Variants in SPHKAP observed in about 807,000 individuals in gnomAD.
SPHKAP encodes the protein A-kinase anchor protein SPHKAP.
In SPHKAP, 67 loss-of-function variants were observed where a neutral mutation model predicts 137.5. The ratio of observed to expected loss-of-function variants is 0.49; its 90% CI spans 0.40 to 0.60. The LOEUF (loss-of-function observed/expected upper bound fraction) is 0.60. Ranked by LOEUF, SPHKAP falls within the 20% of genes least tolerant of loss-of-function variation. The pLI is 0.00. For missense variants in SPHKAP, 2,097 were observed against 2,069.3 expected, an observed-to-expected ratio of 1.01 and a Z score of -0.26; for synonymous variants, 813 against 785.3, an observed-to-expected ratio of 1.04 and a Z score of -0.59.
Position 228,016,465 on chromosome 2 carries a change from T to G in SPHKAP, c.4389A>C (p.Lys1463Asn), listed in dbSNP as rs1694595358. ...LEEAEGHSNDKNIPDVVRGGD... is the reference protein window; with the variant it reads ...LEEAEGHSNDNNIPDVVRGGD... ...CACCTCTCACCACATCTGGGATGTT[T>G]TTGTCATTCGAATGCCCTTCTGCTT... The change falls in exon 7 of 12, where the codon AAA becomes AAC. Residue 1463 changes from lysine to asparagine, a missense_variant. Physicochemically the swap from Lys to Asn is moderately conservative, Grantham distance 94. Coordinates refer to ENST00000392056, the MANE Select transcript of SPHKAP (RefSeq NM_001142644.2). 8.1e-6 allele frequency: 13 copies of G among 1,612,448 alleles called. No individual in the cohort carries two copies. The highest frequency in any genetic ancestry group is 1.0e-5 in the Non-Finnish European group (12 of 1,179,464).
intron 3 of SPHKAP, among the ~76,000 whole-genome samples, chr2:228,061,333 G>A (rs147048582): frequency 0.053 from 7,971 of 151,756 alleles, 236 homozygotes; most frequent in South Asian, 0.084. Flanking sequence ...GCGTGATCTC[G>A]GCTCACTGCA....
chr2:228,120,789 C>T (rs4500930), intron 2 of SPHKAP, among the ~76,000 whole-genome samples: 51,777 of 151,750 alleles, frequency 0.34, 9,057 homozygotes, highest in East Asian at 0.5. Flanking sequence ...TTTATCCATA[C>T]GAATGCAGTA....
intron 1 of SPHKAP, among the ~76,000 whole-genome samples, chr2:228,167,318 G>T (rs1700449426): frequency 6.6e-6 from 1 of 152,046 alleles, no homozygotes; most frequent in South Asian, 2.1e-4. Flanking sequence ...CGTTTGCAAA[G>T]ACAGAAATAC....
intron 7 of SPHKAP, among the ~76,000 whole-genome samples, chr2:228,000,505 C>T (rs1693814999): frequency 6.6e-6 from 1 of 151,984 alleles, no homozygotes; most frequent in South Asian, 2.1e-4. Flanking sequence ...GTAGTCCCAG[C>T]TACTCGGGAG....
At chr2:228,092,249 A>ATGTGCGTGTATACGTGCACACACACGTG (rs1697784343) in intron 3 of SPHKAP, among the ~76,000 whole-genome samples, 1 of 145,138 alleles carries the variant, frequency 6.9e-6, no homozygotes, top group Non-Finnish European at 1.5e-5. Flanking sequence ...ACACACGTGT[A>ATGTGCGTGTATACGTGCACACACACGTG]TATGTGTGTA....
At chr2:228,078,520 C>T (rs146833537) in intron 3 of SPHKAP, among the ~76,000 whole-genome samples, 1 of 151,742 alleles carries the variant, frequency 6.6e-6, no homozygotes, top group African/African-American at 2.4e-5. Flanking sequence ...AGTGGTGTGA[C>T]TGTATCTCAA....
intron 3 of SPHKAP, among the ~76,000 whole-genome samples, chr2:228,054,681 C>A (rs1696375898): frequency 6.6e-6 from 1 of 151,954 alleles, no homozygotes; most frequent in South Asian, 2.1e-4. Flanking sequence ...TGGAAAAGGT[C>A]CCAGGTGACT....
intron 1 of SPHKAP, among the ~76,000 whole-genome samples, chr2:228,145,541 A>G (rs1285644894): frequency 6.6e-6 from 1 of 152,198 alleles, no homozygotes; most frequent in Non-Finnish European, 1.5e-5. Flanking sequence ...TTAGGATTCA[A>G]TGAATGGCTC....
At chr2:228,030,042 A>G (rs540063255) in intron 3 of SPHKAP, among the ~76,000 whole-genome samples, 29 of 152,248 alleles carry the variant, frequency 1.9e-4, no homozygotes, top group African/African-American at 7.0e-4. Context: ...ATGAAACTCT[A>G]CCTACACCTG....
rs1694639235 is a variant in SPHKAP, at chr2:228,017,242, T to G, written c.3612A>C (p.Arg1204Ser). 1.2e-6 allele frequency: 2 copies of G among 1,614,038 alleles called. No homozygotes were observed. Among genetic ancestry groups the G allele is most frequent in the East Asian group, 4.5e-5 (2 of 44,866 alleles). The change falls in exon 7 of 12, where the codon AGA becomes AGC. Residue 1204 changes from arginine to serine, a missense_variant. Arg to Ser is a moderately radical substitution (Grantham distance 110). Transcript: ENST00000392056. ...TGGAGGAGGCACTTTCTCTGCTGTC[T>G]CTTTCGATGTCCCTCAGCATGTACC... is the stretch of plus-strand genomic sequence containing the variant. ...FYRYMLRDIE[R>S]DSRESASSRR... is the part of the protein sequence containing the mutation.
intron 2 of SPHKAP, among the ~76,000 whole-genome samples, chr2:228,127,864 T>A (rs1010217044): frequency 6.6e-6 from 1 of 152,196 alleles, no homozygotes; most frequent in African/African-American, 2.4e-5. Flanking sequence ...ATATAAAAGT[T>A]ATGTCTATAT....
At chr2:228,092,112 C>CATATATGTATATATGTGT (rs1559168563) in intron 3 of SPHKAP, among the ~76,000 whole-genome samples, 2 of 138,424 alleles carry the variant, frequency 1.4e-5, no homozygotes, top group African/African-American at 5.4e-5. Flanking sequence ...TATATATACA[C>CATATATGTATATATGTGT]ATATATACAT....
chr2:228,076,889 C>T (rs1559160481), intron 3 of SPHKAP, among the ~76,000 whole-genome samples: 1 of 152,130 alleles, frequency 6.6e-6, no homozygotes, highest in East Asian at 1.9e-4. Context: ...ATGCAGCAGT[C>T]CCTCCTATCA....
At chr2:228,134,049 A>T (rs1175430096) in intron 1 of SPHKAP, among the ~76,000 whole-genome samples, 1 of 151,234 alleles carries the variant, frequency 6.6e-6, no homozygotes, top group African/African-American at 2.4e-5. Flanking sequence ...AGGAAGGAAG[A>T]GAGGAAGGAA....
chr2:228,067,221 A>T (rs73096663), intron 3 of SPHKAP, among the ~76,000 whole-genome samples: 2,697 of 152,336 alleles, frequency 0.018, 82 homozygotes, highest in African/African-American at 0.061. Flanking sequence ...CTGTCTGAAC[A>T]CTGCAGAAGT....
intron 1 of SPHKAP, among the ~76,000 whole-genome samples, chr2:228,147,811 G>T (rs945295916): frequency 1.3e-5 from 2 of 152,172 alleles, no homozygotes; most frequent in African/African-American, 2.4e-5. Flanking sequence ...AATCCCCACA[G>T]CATCACAGTA....
intron 3 of SPHKAP, among the ~76,000 whole-genome samples, chr2:228,102,309 C>T (rs1165468412): frequency 6.6e-6 from 1 of 151,760 alleles, no homozygotes; most frequent in African/African-American, 2.4e-5. Context: ...TACTGAAGTA[C>T]AGACATTTTA....
At chr2:228,154,508 C>CTATATATATATATATATA (rs1331355468) in intron 1 of SPHKAP, among the ~76,000 whole-genome samples, 11 of 34,574 alleles carry the variant, frequency 3.2e-4, no homozygotes, top group African/African-American at 5.2e-4. Flanking sequence ...CTCTCTCTCT[C>CTATATATATATATATATA]TCTCTATATA....
At chr2:228,116,429 A>C (rs766219615) in intron 2 of SPHKAP, among the ~76,000 whole-genome samples, 2 of 152,146 alleles carry the variant, frequency 1.3e-5, no homozygotes, top group Non-Finnish European at 2.9e-5. Flanking sequence ...TGGTATTTCT[A>C]CTCACAGTGA....
Sources: gnomAD v4.1 joint callset for allele counts (sites outside exome capture counted in the v4.1 genomes callset) on GRCh38, gnomAD v4.1.1 for gene constraint, MANE v1.5 for transcripts, NCBI Gene and HGNC (gene_info 2026-07-23, HGNC 2026-07-21) for gene names.